The following GRM8 variants were observed in gnomAD, a reference collection of about 807,000 sequenced individuals.
GRM8 encodes glutamate metabotropic receptor 8, also known as metabotropic glutamate receptor 8.
In GRM8, 47 loss-of-function variants were observed where a neutral mutation model predicts 87.2. That is an observed-to-expected ratio of 0.54 (90% confidence interval 0.43 to 0.69). The LOEUF is 0.69. Ranked by LOEUF, GRM8 falls within the 30% of genes least tolerant of loss-of-function variation. The pLI, the probability that GRM8 is intolerant of heterozygous loss-of-function variation, is 0.00. For synonymous variants in GRM8, 396 were observed against 404.5 expected, an observed-to-expected ratio of 0.98 and a Z score of 0.25; for missense variants, 1,019 against 1,139.2, an observed-to-expected ratio of 0.89 and a Z score of 1.52.
At chr7:126,695,804 G>A (rs545583309) in intron 7 of GRM8, among the ~76,000 whole-genome samples, 54 of 152,152 alleles carry the variant, frequency 3.5e-4, no homozygotes, top group African/African-American at 1.1e-3. Flanking sequence ...CCACAATTAC[G>A]TAAAAAACAG....
chr7:126,851,573 G>A (rs1797215337), intron 6 of GRM8, among the ~76,000 whole-genome samples: 1 of 152,002 alleles, frequency 6.6e-6, no homozygotes, highest in Non-Finnish European at 1.5e-5. Context: ...CCTCCTTGTT[G>A]TCCTTTGAAC....
intron 2 of GRM8, among the ~76,000 whole-genome samples, chr7:127,191,165 T>A (rs982928720): frequency 6.6e-6 from 1 of 152,202 alleles, no homozygotes; most frequent in African/African-American, 2.4e-5. Flanking sequence ...TTCAATTATG[T>A]AAGCTTATAT....
intron 3 of GRM8, among the ~76,000 whole-genome samples, chr7:127,068,088 G>A (rs1215299245): frequency 3.9e-5 from 6 of 152,062 alleles, no homozygotes; most frequent in African/African-American, 1.2e-4. Context: ...TGAGCCTTGA[G>A]TTTTCCCCCA....
intron 3 of GRM8, among the ~76,000 whole-genome samples, chr7:127,085,148 T>C (rs1586954203): frequency 6.6e-6 from 1 of 152,240 alleles, no homozygotes; most frequent in Non-Finnish European, 1.5e-5. Context: ...GAACTCATCC[T>C]TTTTTATGGC....
At chr7:127,089,420 G>A (rs750279518) in intron 3 of GRM8, among the ~76,000 whole-genome samples, 1 of 152,194 alleles carries the variant, frequency 6.6e-6, no homozygotes, top group Non-Finnish European at 1.5e-5. Context: ...CCCAGTGTGT[G>A]GTGATTTGTT....
intron 7 of GRM8, among the ~76,000 whole-genome samples, chr7:126,610,246 T>C (rs1032752823): frequency 1.3e-5 from 2 of 152,226 alleles, no homozygotes; most frequent in Non-Finnish European, 2.9e-5. Flanking sequence ...TTTTATGTAA[T>C]TACAGGGGAA....
In GRM8 at chr7:127,243,245, A is replaced by G; in HGVS notation, c.-41T>C. 3.8e-6 allele frequency: 6 copies of G among 1,560,120 alleles called. No homozygotes were observed. The highest frequency in any genetic ancestry group is 5.2e-6 in the Non-Finnish European group (6 of 1,157,362). On this transcript the variant is annotated 5_prime_UTR_variant, in exon 2 of 11. An upstream open reading frame in the 5' UTR loses its in-frame stop. Coordinates refer to ENST00000339582, the MANE Select transcript of GRM8 (RefSeq NM_000845.3). ...TATTGCAATCCAAGACCCAAAGTTT[A>G]TTCTTGCCACAGAAGAAAGGGCACC... is the stretch of plus-strand genomic sequence containing the variant.
At chr7:126,704,478 A>G (rs781009025) in intron 7 of GRM8, among the ~76,000 whole-genome samples, 11 of 152,192 alleles carry the variant, frequency 7.2e-5, no homozygotes, top group Non-Finnish European at 1.3e-4. Context: ...GGATAACAGC[A>G]ATGTTCAGGG....
intron 6 of GRM8, among the ~76,000 whole-genome samples, chr7:126,831,230 A>C (rs1022648781): frequency 7.2e-5 from 11 of 152,154 alleles, no homozygotes; most frequent in African/African-American, 2.7e-4. Flanking sequence ...ACTGCTCTCA[A>C]AGCTGTCAGA....
intron 1 of GRM8, among the ~76,000 whole-genome samples, chr7:127,251,420 A>ATGGGCTTCGCGCT (rs1415342781): frequency 6.6e-6 from 1 of 152,008 alleles, no homozygotes; most frequent in African/African-American, 2.4e-5. Context: ...GGCTGGGCGG[A>ATGGGCTTCGCGCT]TGGGCTTCGC....
At position 126,888,667 on chromosome 7, in the gene GRM8, T is replaced by C. The variant is rs148148461; in HGVS notation, c.1156+13875A>G. Among the ~76,000 whole-genome samples the C allele has an allele frequency of 5.8e-4, 88 of 152,272 alleles. No individual in the cohort carries two copies. The East Asian group carries it at 0.016, about 27-fold the overall frequency. On this transcript the variant is annotated intron_variant, in intron 6 of 10. Transcript: ENST00000339582. ...TCTAGGATCTCTGTTGGCAAAGAAC[T>C]GAATATTGCTCCCATCCAACAGCTT...
intron 7 of GRM8, among the ~76,000 whole-genome samples, chr7:126,732,453 T>C (rs2299502): frequency 0.35 from 53,050 of 152,026 alleles, 9,670 homozygotes; most frequent in Non-Finnish European, 0.38. Flanking sequence ...GAGTTATTAG[T>C]AGAATCTATT....
chr7:126,588,841 C>T (rs62477869), intron 8 of GRM8, among the ~76,000 whole-genome samples: 19,535 of 152,146 alleles, frequency 0.13, 1,563 homozygotes, highest in South Asian at 0.17. Context: ...GGTGAACACA[C>T]ACCCTCACTG....
intron 6 of GRM8, among the ~76,000 whole-genome samples, chr7:126,822,981 T>C (rs1312034651): frequency 1.3e-5 from 2 of 152,144 alleles, no homozygotes; most frequent in East Asian, 3.9e-4. Context: ...ATGGAACAGA[T>C]CCCCCAACCA....
chr7:126,995,391 C>G (rs770142724), intron 3 of GRM8, among the ~76,000 whole-genome samples: 2 of 152,216 alleles, frequency 1.3e-5, no homozygotes, highest in African/African-American at 4.8e-5. Context: ...CCTGGAGAAA[C>G]AGAGATATGT....
intron 8 of GRM8, among the ~76,000 whole-genome samples, chr7:126,588,793 C>G (rs1196951385): frequency 2.6e-5 from 4 of 152,108 alleles, no homozygotes; most frequent in African/African-American, 9.7e-5. Context: ...GGAGACAGCC[C>G]AAATACTATG....
intron 3 of GRM8, among the ~76,000 whole-genome samples, chr7:127,030,413 T>C (rs1050657079): frequency 4.6e-5 from 7 of 152,126 alleles, no homozygotes; most frequent in African/African-American, 1.7e-4. Context: ...CAGGGGCCAG[T>C]AGCACCTTCA....
chr7:127,095,719 T>A (rs1442660496), intron 3 of GRM8: 1 of 152,226 alleles, frequency 6.6e-6, no homozygotes, highest in African/African-American at 2.4e-5. Context: ...CCAGGTCTTT[T>A]CATTACATGA....
chr7:126,775,404 C>G (rs1819312748), intron 6 of GRM8, among the ~76,000 whole-genome samples: 1 of 146,072 alleles, frequency 6.8e-6, no homozygotes, highest in South Asian at 2.3e-4. Flanking sequence ...AGTGCAGTGA[C>G]TTTTAAATCC....
Sources: allele counts gnomAD v4.1 joint callset (sites outside exome capture counted in the v4.1 genomes callset), GRCh38; gene constraint gnomAD v4.1.1; transcripts MANE v1.5; gene names NCBI Gene and HGNC (gene_info 2026-07-23, HGNC 2026-07-21).